Variants in NBPF3 observed in about 807,000 individuals in gnomAD.
NBPF3 encodes the protein NBPF member 3, also known as NBPF family member NBPF3.
Under a neutral mutation model 78.1 loss-of-function variants are expected in NBPF3, and 57 were observed. The ratio of observed to expected loss-of-function variants is 0.73; its 90% CI spans 0.59 to 0.91. The LOEUF (loss-of-function observed/expected upper bound fraction) is 0.91, where lower values mean the gene tolerates loss of function less well. Among genes scored for constraint, NBPF3 ranks in the 40% least tolerant of loss-of-function variants. NBPF3 has a pLI of 0.00. For missense variants in NBPF3, 510 were observed against 715.3 expected (o/e 0.71, Z 3.27); for synonymous variants, 182 against 271.7 (o/e 0.67, Z 3.25).
rs1641904248 is a variant in NBPF3, at chr1:21,460,696, A to T, written c.134-7992A>T. ...GGAACTAATTTCGTGGACTTGACAC[A>T]GGAAAATGTTTCTTAGACTAGATAC... On this transcript the variant is annotated intron_variant, in intron 2 of 14. Transcript: ENST00000318249. The surrounding 1 kb of genome is among the most constrained non-coding windows in gnomAD (Gnocchi z 4.2). Among the ~76,000 whole-genome samples, 1 of 152,238 alleles carries T rather than the reference A, an allele frequency of 6.6e-6. No homozygotes were observed. Among genetic ancestry groups the T allele is most frequent in the African/African-American group, 2.4e-5 (1 of 41,474 alleles).
chr1:21,461,431 T>C (rs1641944242), intron 2 of NBPF3, among the ~76,000 whole-genome samples: 1 of 152,164 alleles, frequency 6.6e-6, no homozygotes, highest in African/African-American at 2.4e-5. Flanking sequence ...TATAAGCACC[T>C]GAGTAGGAGA....
At chr1:21,449,881 C>G in intron 2 of NBPF3, 1 of 671,794 alleles carries the variant, frequency 1.5e-6, no homozygotes, top group Non-Finnish European at 1.8e-6. Context: ...CTGAAACAGC[C>G]ACATAAAGTT....
At chr1:21,436,883 C>G (rs989503121), upstream of NBPF3, 90 of 228,194 alleles carry the variant, frequency 3.9e-4, no homozygotes, top group Middle Eastern at 3.7e-3. This position sits in a 1 kb window ranked among gnomAD's most constrained non-coding sequence, Gnocchi z 4.3. Context: ...CGGGTGGGGG[C>G]GGGGACGGGT....
chr1:21,478,299 A>T lies in NBPF3; in HGVS notation c.1148A>T (p.Asp383Val). ...VEEQQVGLALDIGRHWCDQVK... is the reference protein window; with the variant it reads ...VEEQQVGLALVIGRHWCDQVK... ...GAACAGCAAGTCGGCTTGGCTCTTGACATAGGCAGTGAGTACTCCATTTTG... is the reference window on the plus strand; with the variant it reads ...GAACAGCAAGTCGGCTTGGCTCTTGTCATAGGCAGTGAGTACTCCATTTTG... The change falls in exon 9 of 15, where the codon GAC becomes GTC. Residue 383 changes from aspartate (D) to valine (V), a missense_variant. This residue lies in a region of NBPF3 where 440 missense variants were observed against 478.2 expected (regional missense o/e 0.92). Coordinates refer to ENST00000318249, the MANE Select transcript of NBPF3 (RefSeq NM_032264.6). 2 of 1,613,838 alleles carry T rather than the reference A, an allele frequency of 1.2e-6. No homozygotes were observed. Among genetic ancestry groups the T allele is most frequent in the Non-Finnish European group, 8.5e-7 (1 of 1,179,988 alleles).
Position 21,470,027 on chromosome 1 carries a change from CTG to C in NBPF3, c.344-603_344-602del, listed in dbSNP as rs1491447876. Among the ~76,000 whole-genome samples, 6 of 152,000 alleles carry C rather than the reference CTG, an allele frequency of 3.9e-5. 1 individual carries two copies. Among genetic ancestry groups the C allele is most frequent in the East Asian group, 3.9e-4 (2 of 5,164 alleles). ...CTTTTATTGGCACAGAGTTAACACT[CTG>C]TTAGTTCTTCATTCTACTGTTTCTA... is the stretch of plus-strand genomic sequence containing the variant. On this transcript the variant is annotated intron_variant, in intron 3 of 14. Coordinates refer to ENST00000318249, the MANE Select transcript of NBPF3 (RefSeq NM_032264.6).
chr1:21,473,986 T>G (rs1404599257), intron 7 of NBPF3, among the ~76,000 whole-genome samples: 2 of 152,200 alleles, frequency 1.3e-5, no homozygotes, highest in African/African-American at 4.8e-5. Context: ...TTCCCCAGGC[T>G]TCACTGCTCT....
At chr1:21,451,835 TTAC>T (rs1451820264) in intron 2 of NBPF3, 2 of 440,940 alleles carry the variant, frequency 4.5e-6, no homozygotes, top group African/African-American at 4.3e-5. Context: ...TTGGTAAGAT[TTAC>T]TAGTTGGGAA....
At chr1:21,479,120 C>A (rs1643040205) in intron 9 of NBPF3, among the ~76,000 whole-genome samples, 1 of 152,246 alleles carries the variant, frequency 6.6e-6, no homozygotes, top group Admixed American at 6.5e-5. Flanking sequence ...ACAGAGCACA[C>A]TGGGAAGATC....
chr1:21,473,980 C>T lies in NBPF3; in HGVS notation c.940+395C>T, dbSNP rs1344566198. Among the ~76,000 whole-genome samples the T allele has an allele frequency of 4.6e-5, 7 of 152,156 alleles. No individual in the cohort carries two copies. In the South Asian group the frequency reaches 1.4e-3, roughly 32 times the overall value. ...CCTTTGTGTTTGGAAATATTGTTCC[C>T]CAGGCTTCACTGCTCTCAGCTTTAA... On this transcript the variant is annotated intron_variant, in intron 7 of 14. Coordinates refer to ENST00000318249, the MANE Select transcript of NBPF3 (RefSeq NM_032264.6).
rs11584459 is a variant in NBPF3 at position 21,472,920 on chromosome 1, C to T, written c.734+5C>T. ...ACAGGAATTATATGCCCCCAGGTAA[C>T]GCTGAATAATCGGGAGCAAGTAATG... On this transcript the variant is annotated splice_donor_5th_base_variant and intron_variant, in intron 6 of 14. Transcript: ENST00000318249. 2.8e-3 allele frequency: 4,429 copies of T among 1,604,538 alleles called. 96 individuals carry two copies. The African/African-American group carries it at 0.046, about 17-fold the overall frequency.
chr1:21,449,909 TG>T (rs1296626165), intron 2 of NBPF3: 1 of 522,692 alleles, frequency 1.9e-6, no homozygotes, highest in Non-Finnish European at 2.4e-6. Flanking sequence ...ATATTTTTAC[TG>T]TAGTTCTTTC....
At chr1:21,477,237 C>T (rs7516011) in intron 8 of NBPF3, among the ~76,000 whole-genome samples, 1,952 of 152,188 alleles carry the variant, frequency 0.013, 46 homozygotes, top group African/African-American at 0.044. Flanking sequence ...TCCTTTAGCT[C>T]GGAAAAGTTT....
intron 8 of NBPF3, 76 bp from the exon 9 acceptor site, chr1:21,478,068 G>C: frequency 6.2e-7 from 1 of 1,611,782 alleles, no homozygotes; most frequent in Non-Finnish European, 8.5e-7. Flanking sequence ...TCTCCCATCA[G>C]ATCATCTGGA....
Position 21,473,491 on chromosome 1 carries a change from C to T in NBPF3, c.846C>T (p.Asn282=), listed in dbSNP as rs1642720195. The stretch of plus-strand genomic sequence containing the variant: ...GTGAGTCCAACCAGCCTTACGGGAA[C>T]ACCAGAATCACATTTGAGGAAGACC... ...HPCESNQPYG[N]TRITFEEDQV... Residue 282 remains asparagine, a synonymous_variant, in exon 7 of 15, where the codon AAC becomes AAT. Transcript: ENST00000318249. The T allele has an allele frequency of 1.2e-6, 2 of 1,614,226 alleles. No individual in the cohort carries two copies. The highest frequency in any genetic ancestry group is 1.7e-6 in the Non-Finnish European group (2 of 1,180,040).
At chr1:21,482,286 T>C (rs1643277393) in intron 13 of NBPF3, among the ~76,000 whole-genome samples, 198 bp from the exon 14 acceptor site, 1 of 131,532 alleles carries the variant, frequency 7.6e-6, no homozygotes, top group African/African-American at 3.0e-5. Context: ...AATAGGGACA[T>C]TTTACCCTTA....
chr1:21,446,959 A>C (rs1390668396), intron 2 of NBPF3, among the ~76,000 whole-genome samples: 1 of 152,246 alleles, frequency 6.6e-6, no homozygotes, highest in Non-Finnish European at 1.5e-5. Context: ...CCGCAGGGTT[A>C]GAGGTAAATG....
chr1:21,479,494 A>T, intron 10 of NBPF3, 94 bp downstream of exon 10: 1 of 1,077,494 alleles, frequency 9.3e-7, no homozygotes. Context: ...TGATGATTTC[A>T]TCTTGTCAGA....
intron 7 of NBPF3, 123 bp from the exon 8 acceptor site, chr1:21,474,777 T>C: frequency 2.1e-6 from 2 of 933,726 alleles, no homozygotes; most frequent in Non-Finnish European, 3.3e-6. Flanking sequence ...GGAGTGCTCC[T>C]GTCAGAATCC....
In NBPF3 at chr1:21,474,152, A is replaced by G. The variant is rs569437207; in HGVS notation, c.940+567A>G. Among the ~76,000 whole-genome samples the G allele has an allele frequency of 2.6e-5, 4 of 151,898 alleles. No homozygotes were observed. The South Asian group carries it at 6.3e-4, about 24-fold the overall frequency. ...CCCCATCAATGCAATGGCTGATGCAATGTTTTGTAGCATCATAGATTCTCT... is the reference window on the plus strand; with the variant it reads ...CCCCATCAATGCAATGGCTGATGCAGTGTTTTGTAGCATCATAGATTCTCT... On this transcript the variant is annotated intron_variant, in intron 7 of 14. Coordinates refer to ENST00000318249, the MANE Select transcript of NBPF3 (RefSeq NM_032264.6).
Sources: allele counts gnomAD v4.1 joint callset (sites outside exome capture counted in the v4.1 genomes callset), GRCh38; gene constraint gnomAD v4.1.1; regional missense constraint gnomAD v4.1.1; non-coding constraint Gnocchi (gnomAD v3.1); transcripts MANE v1.5; gene names NCBI Gene and HGNC (gene_info 2026-07-23, HGNC 2026-07-21).